Variants in TTC8 observed in about 807,000 individuals in gnomAD.
TTC8 encodes tetratricopeptide repeat domain 8, also known as tetratricopeptide repeat protein 8.
A neutral mutation model predicts 72.5 loss-of-function variants in TTC8; 47 were observed. That is an observed-to-expected ratio of 0.65 (90% CI 0.51 to 0.83). The LOEUF is 0.83. Ranked by LOEUF, TTC8 falls within the 40% of genes least tolerant of loss-of-function variation. The pLI is 0.00. For synonymous variants in TTC8, 199 were observed against 221.4 expected, an observed-to-expected ratio of 0.90 and a Z score of 0.90; for missense variants, 611 against 623.2, an observed-to-expected ratio of 0.98 and a Z score of 0.21.
intron 14 of TTC8, among the ~76,000 whole-genome samples, chr14:88,876,384 C>G (rs780666878): frequency 6.6e-6 from 1 of 152,120 alleles, no homozygotes; most frequent in African/African-American, 2.4e-5. Flanking sequence ...CAGAATTTAT[C>G]TAGATTTTTT....
upstream of TTC8, among the ~76,000 whole-genome samples, chr14:88,824,403 A>C (rs897061735): frequency 6.6e-6 from 1 of 151,832 alleles, no homozygotes; most frequent in Non-Finnish European, 1.5e-5. Flanking sequence ...AGGGTGGGGG[A>C]CCCCAGGGGC....
chr14:88,824,397 T>C (rs2094688463), upstream of TTC8, among the ~76,000 whole-genome samples: 1 of 151,978 alleles, frequency 6.6e-6, no homozygotes, highest in Admixed American at 6.6e-5. Flanking sequence ...CCTGGGAGGG[T>C]GGGGGACCCC....
At chr14:88,859,512 C>T (rs761604649) in intron 9 of TTC8, among the ~76,000 whole-genome samples, 31 of 151,756 alleles carry the variant, frequency 2.0e-4, no homozygotes, top group Non-Finnish European at 3.7e-4. Flanking sequence ...CTGGGGCCTC[C>T]GAGAGGGTGT....
intron 10 of TTC8, among the ~76,000 whole-genome samples, chr14:88,865,562 G>A (rs2141024505): frequency 6.6e-6 from 1 of 152,242 alleles, no homozygotes; most frequent in East Asian, 1.9e-4. Context: ...TAGCTACTCA[G>A]GAGGCTGAGG....
chr14:88,836,632 G>A (rs771438706), intron 2 of TTC8, among the ~76,000 whole-genome samples: 9 of 152,016 alleles, frequency 5.9e-5, no homozygotes, highest in Non-Finnish European at 1.0e-4. Flanking sequence ...TATTTAAGAC[G>A]TCAGTTGGGG....
intron 9 of TTC8, among the ~76,000 whole-genome samples, 199 bp from the exon 10 acceptor site, chr14:88,861,023 C>T (rs570716501): frequency 3.3e-5 from 5 of 152,050 alleles, no homozygotes; most frequent in South Asian, 2.1e-4. Context: ...AGGCTGGTCT[C>T]GAACTCCTGG....
At chr14:88,861,185 G>C in intron 9 of TTC8, 37 bp from the exon 10 acceptor site, 1 of 1,365,838 alleles carries the variant, frequency 7.3e-7, no homozygotes, top group Non-Finnish European at 1.0e-6. Flanking sequence ...TTAATTTTAA[G>C]AACCTATACT....
At chr14:88,827,303 A>G (rs1453328486) in intron 1 of TTC8, among the ~76,000 whole-genome samples, 1 of 152,246 alleles carries the variant, frequency 6.6e-6, no homozygotes, top group Non-Finnish European at 1.5e-5. Context: ...AGTTTCAAAA[A>G]AAGTTATTGT....
chr14:88,838,378 T>C (rs1020115370), intron 2 of TTC8, among the ~76,000 whole-genome samples: 4 of 152,118 alleles, frequency 2.6e-5, no homozygotes, highest in Admixed American at 2.0e-4. Context: ...GCATCTTGAG[T>C]TCTTTACGTG....
At chr14:88,843,270 C>G (rs910580633) in intron 6 of TTC8, among the ~76,000 whole-genome samples, 1 of 152,162 alleles carries the variant, frequency 6.6e-6, no homozygotes, top group Non-Finnish European at 1.5e-5. Flanking sequence ...TGTGCCCCAC[C>G]GCCAGGTGAT....
At chr14:88,839,762 T>A (rs1188100839) in intron 3 of TTC8, among the ~76,000 whole-genome samples, 190 bp downstream of exon 3, 12 of 152,176 alleles carry the variant, frequency 7.9e-5, no homozygotes, top group Admixed American at 6.5e-4. Context: ...GTACAAAGGC[T>A]TTTTCCCCAC....
At chr14:88,850,933 G>C (rs184914828) in intron 7 of TTC8, among the ~76,000 whole-genome samples, 1 of 152,174 alleles carries the variant, frequency 6.6e-6, no homozygotes, top group East Asian at 1.9e-4. Flanking sequence ...GTACATGGAA[G>C]GTATACAGTG....
intron 10 of TTC8, among the ~76,000 whole-genome samples, chr14:88,864,464 A>G (rs1449855685): frequency 6.6e-6 from 1 of 152,200 alleles, no homozygotes; most frequent in Non-Finnish European, 1.5e-5. Context: ...AAGTGCTAGC[A>G]GAAAGAGCTA....
At chr14:88,873,032 A>AT (rs1197190075) in intron 13 of TTC8, among the ~76,000 whole-genome samples, 1 of 152,046 alleles carries the variant, frequency 6.6e-6, no homozygotes, top group South Asian at 2.1e-4. Context: ...AACCTGAGAG[A>AT]TTTTTTTTAA....
intron 1 of TTC8, among the ~76,000 whole-genome samples, 179 bp from the exon 2 acceptor site, chr14:88,833,514 A>G (rs1471609224): frequency 2.0e-5 from 3 of 152,226 alleles, no homozygotes; most frequent in African/African-American, 7.2e-5. Context: ...GCATTCTTCA[A>G]TGTATATTCA....
At chr14:88,824,617 G>A (rs1250456025), upstream of TTC8, 1 of 1,083,054 alleles carries the variant, frequency 9.2e-7, no homozygotes, top group Non-Finnish European at 1.4e-6. Flanking sequence ...GCCGTCGCGG[G>A]TTGCCGGGCA....
intron 6 of TTC8, among the ~76,000 whole-genome samples, chr14:88,843,421 C>CT (rs1466807292): frequency 6.6e-6 from 1 of 152,160 alleles, no homozygotes; most frequent in Non-Finnish European, 1.5e-5. Context: ...TTGTACTCTA[C>CT]TTTGTTTCAG....
chr14:88,866,711 G>C (rs371113698), intron 10 of TTC8, among the ~76,000 whole-genome samples: 3 of 152,106 alleles, frequency 2.0e-5, no homozygotes, highest in Non-Finnish European at 4.4e-5. Context: ...GAGCCTTCCT[G>C]TGTTGTTGAA....
intron 1 of TTC8, among the ~76,000 whole-genome samples, chr14:88,830,445 C>G (rs373893278): frequency 1.3e-5 from 2 of 152,110 alleles, no homozygotes; most frequent in Non-Finnish European, 2.9e-5. Context: ...TGGTTTGGTG[C>G]TTCTGTTAAG....
Sources: gnomAD v4.1 joint callset for allele counts (sites outside exome capture counted in the v4.1 genomes callset) on GRCh38, gnomAD v4.1.1 for gene constraint, MANE v1.5 for transcripts, NCBI Gene and HGNC (gene_info 2026-07-23, HGNC 2026-07-21) for gene names.